The following CPED1 variants were observed in gnomAD, a reference collection of about 807,000 sequenced individuals.
CPED1 encodes the protein cadherin like and PC-esterase domain containing 1.
In CPED1, 114 loss-of-function variants were observed where a neutral mutation model predicts 128.2. The observed-to-expected ratio is 0.89, with a 90% confidence interval of 0.76 to 1.04. CPED1 has a LOEUF of 1.04. CPED1 is among the 50% of genes least tolerant of loss of function. The pLI, the probability that CPED1 is intolerant of heterozygous loss-of-function variation, is 0.00. For missense variants in CPED1, 1,211 were observed against 1,207.1 expected (o/e 1.00, Z -0.05); for synonymous variants, 462 against 426.7 (o/e 1.08, Z -1.02).
At chr7:121,153,721 G>C (rs1796212657) in intron 16 of CPED1, among the ~76,000 whole-genome samples, 1 of 152,122 alleles carries the variant, frequency 6.6e-6, no homozygotes, top group South Asian at 2.1e-4. Context: ...ACCAAAACAA[G>C]ATTGTTAAAG....
At chr7:121,156,522 A>T (rs939029006) in intron 16 of CPED1, among the ~76,000 whole-genome samples, 11 of 152,226 alleles carry the variant, frequency 7.2e-5, no homozygotes, top group African/African-American at 2.4e-4. Flanking sequence ...GAATGAAATC[A>T]TGTAATTTAC....
chr7:121,266,702 T>C lies in CPED1; in HGVS notation c.2532-5T>C, dbSNP rs1231196930. ...ACATGTGTTGTTTTTCTTTCTGAAT[T>C]TCAGATCACGTCCCCTAGAGAATAC... On this transcript the variant is annotated splice_polypyrimidine_tract_variant and splice_region_variant and intron_variant, in intron 19 of 22. Coordinates refer to ENST00000310396, the MANE Select transcript of CPED1 (RefSeq NM_024913.5). 12 of 1,610,380 alleles carry C rather than the reference T, an allele frequency of 7.5e-6. No homozygotes were observed. Among genetic ancestry groups the C allele is most frequent in the Non-Finnish European group, 9.3e-6 (11 of 1,177,154 alleles).
intron 16 of CPED1, among the ~76,000 whole-genome samples, chr7:121,234,795 G>A (rs1798216896): frequency 6.6e-6 from 1 of 152,072 alleles, no homozygotes; most frequent in Non-Finnish European, 1.5e-5. Flanking sequence ...GTACATTGTT[G>A]ATTGAGTGAA....
chr7:121,086,493 T>A (rs762039887), intron 5 of CPED1, among the ~76,000 whole-genome samples: 4 of 152,148 alleles, frequency 2.6e-5, no homozygotes, highest in Non-Finnish European at 5.9e-5. Flanking sequence ...AGGGAAAGTA[T>A]ACAAACTGGA....
intron 13 of CPED1, among the ~76,000 whole-genome samples, chr7:121,134,363 G>T (rs1795740103): frequency 1.3e-5 from 2 of 151,964 alleles, no homozygotes; most frequent in African/African-American, 2.4e-5. Flanking sequence ...CACTCATGTG[G>T]GATCGAAAAA....
chr7:121,277,542 G>A (rs532170895), intron 22 of CPED1, among the ~76,000 whole-genome samples: 17 of 152,180 alleles, frequency 1.1e-4, no homozygotes, highest in East Asian at 5.8e-4. Flanking sequence ...AGGTGGTGAC[G>A]GCTGCATTGC....
chr7:121,087,425 G>T (rs1263855019), intron 5 of CPED1, among the ~76,000 whole-genome samples: 1 of 152,220 alleles, frequency 6.6e-6, no homozygotes, highest in East Asian at 1.9e-4. Context: ...ACATAATAAA[G>T]ACTTGGTTCC....
intron 16 of CPED1, among the ~76,000 whole-genome samples, chr7:121,193,496 A>G (rs1023291477): frequency 6.6e-6 from 1 of 152,136 alleles, no homozygotes; most frequent in African/African-American, 2.4e-5. Context: ...TAAAATCAAA[A>G]TCACATTAAT....
intron 16 of CPED1, among the ~76,000 whole-genome samples, chr7:121,195,674 C>T (rs1044636045): frequency 2.0e-5 from 3 of 152,166 alleles, no homozygotes; most frequent in African/African-American, 7.2e-5. Context: ...AATTTACACA[C>T]ATATCTAAGA....
At chr7:121,080,553 C>G (rs952241818) in intron 5 of CPED1, among the ~76,000 whole-genome samples, 1 of 152,110 alleles carries the variant, frequency 6.6e-6, no homozygotes, top group African/African-American at 2.4e-5. Flanking sequence ...GTTAAGGGTA[C>G]AGAGTACAAT....
chr7:121,219,968 A>G (rs942569071), intron 16 of CPED1, among the ~76,000 whole-genome samples: 4 of 152,066 alleles, frequency 2.6e-5, no homozygotes, highest in Non-Finnish European at 4.4e-5. Context: ...TTACTTAGGT[A>G]AACCTTGTTC....
intron 2 of CPED1, among the ~76,000 whole-genome samples, chr7:121,007,231 A>ATTTTTTTTTTT (rs398006038): frequency 5.4e-5 from 7 of 129,822 alleles, no homozygotes; most frequent in Non-Finnish European, 8.0e-5. Context: ...TTCAGGTTGC[A>ATTTTTTTTTTT]TTTTTTTTTT....
intron 22 of CPED1, among the ~76,000 whole-genome samples, chr7:121,283,059 G>A (rs1488415164): frequency 7.2e-5 from 11 of 152,102 alleles, no homozygotes; most frequent in Non-Finnish European, 1.3e-4. Flanking sequence ...TTAAAAATAA[G>A]TATATACAAT....
intron 3 of CPED1, among the ~76,000 whole-genome samples, chr7:121,043,543 G>A (rs1167819385): frequency 6.6e-6 from 1 of 152,088 alleles, no homozygotes; most frequent in Non-Finnish European, 1.5e-5. Flanking sequence ...GCTAATACAT[G>A]GAACATCAAT....
At chr7:120,995,893 T>C (rs149915255) in intron 2 of CPED1, among the ~76,000 whole-genome samples, 11 of 111,098 alleles carry the variant, frequency 9.9e-5, no homozygotes, top group Non-Finnish European at 1.8e-4. Flanking sequence ...CTTCTTCTTC[T>C]TCTTCCTCTT....
At chr7:121,091,618 G>A (rs1332704722) in intron 5 of CPED1, among the ~76,000 whole-genome samples, 1 of 152,074 alleles carries the variant, frequency 6.6e-6, no homozygotes, top group Non-Finnish European at 1.5e-5. Context: ...AACACTTCTT[G>A]AGCATATAAG....
intron 5 of CPED1, among the ~76,000 whole-genome samples, chr7:121,073,807 ATTT>A (rs34082656): frequency 0.42 from 56,399 of 134,230 alleles, 10,303 homozygotes; most frequent in East Asian, 0.58. Flanking sequence ...ACCTCTTCCC[ATTT>A]TTTTTTTTTT....
intron 3 of CPED1, among the ~76,000 whole-genome samples, chr7:121,022,161 T>A (rs1406017776): frequency 1.3e-5 from 2 of 152,012 alleles, no homozygotes; most frequent in East Asian, 1.9e-4. Context: ...ATTTATTAAA[T>A]ACATGAACAA....
chr7:121,129,894 G>GAA (rs57382514), intron 11 of CPED1, among the ~76,000 whole-genome samples: 170 of 145,994 alleles, frequency 1.2e-3, no homozygotes, highest in Middle Eastern at 3.5e-3. Flanking sequence ...TCAATGAAAA[G>GAA]AAAAAAAAAA....
Sources: allele counts gnomAD v4.1 joint callset (sites outside exome capture counted in the v4.1 genomes callset), GRCh38; gene constraint gnomAD v4.1.1; transcripts MANE v1.5; gene names NCBI Gene and HGNC (gene_info 2026-07-23, HGNC 2026-07-21).